Variants in CLEC4C observed in about 807,000 individuals in gnomAD.
The protein encoded by CLEC4C is C-type lectin domain family 4 member C, also known as C-type (calcium dependent, carbohydrate-recognition domain) lectin, superfamily member 11.
A neutral mutation model predicts 27.7 loss-of-function variants in CLEC4C; 17 were observed. The ratio of observed to expected loss-of-function variants is 0.61; its 90% CI spans 0.42 to 0.92. The LOEUF (loss-of-function observed/expected upper bound fraction) is 0.92. CLEC4C is among the 40% of genes least tolerant of loss of function. The pLI is 0.00. For missense variants in CLEC4C, 244 were observed against 257.3 expected (o/e 0.95, Z 0.35); for synonymous variants, 80 against 80.8 (o/e 0.99, Z 0.06).
intron 5 of CLEC4C, among the ~76,000 whole-genome samples, chr12:7,730,092 T>C (rs1864560135): frequency 2.0e-5 from 3 of 152,188 alleles, no homozygotes; most frequent in Admixed American, 2.0e-4. Flanking sequence ...AGTTAAATGA[T>C]TCAAATATTT....
intron 2 of CLEC4C, among the ~76,000 whole-genome samples, chr12:7,743,319 T>C (rs1479166701): frequency 6.6e-6 from 1 of 152,210 alleles, no homozygotes; most frequent in African/African-American, 2.4e-5. Context: ...AAACGGTCTC[T>C]TTTGTTCACT....
At chr12:7,745,791 T>A (rs1414941619) in intron 2 of CLEC4C, among the ~76,000 whole-genome samples, 1 of 152,046 alleles carries the variant, frequency 6.6e-6, no homozygotes, top group Non-Finnish European at 1.5e-5. Flanking sequence ...TGATCACATT[T>A]GAAAAATGCA....
At chr12:7,734,552 A>ATTT (rs34564177) in intron 4 of CLEC4C, among the ~76,000 whole-genome samples, 13 of 142,788 alleles carry the variant, frequency 9.1e-5, no homozygotes, top group Non-Finnish European at 1.1e-4. Context: ...GAGGCCTCCA[A>ATTT]TTTTTTTTTT....
In CLEC4C at chr12:7,746,408, C is replaced by T. The variant is rs776248778; in HGVS notation, c.47G>A (p.Trp16Ter). Residue 16 changes from tryptophan to a stop codon, truncating the protein, a stop_gained, in exon 2 of 6, where the codon TGG becomes TAG. Transcript: ENST00000360345. LOFTEE classifies it high-confidence loss of function. Reference protein sequence around the residue: ...EPQDREKGLWWFQLKVWSMAV... With the variant: ...EPQDREKGLW ...CATGGACCAGACCTTCAACTGGAAC[C>T]ACCAGAGTCCTTTCTCTGTCAGATC... is the stretch of plus-strand genomic sequence containing the variant. The T allele has an allele frequency of 1.8e-5, 29 of 1,612,274 alleles. No homozygotes were observed. The South Asian group carries it at 3.1e-4, about 17-fold the overall frequency.
intron 3 of CLEC4C, among the ~76,000 whole-genome samples, chr12:7,737,907 G>A (rs2120397885): frequency 6.6e-6 from 1 of 152,210 alleles, no homozygotes; most frequent in East Asian, 1.9e-4. Context: ...ACATGAGTAT[G>A]GCAATAAAAT....
At chr12:7,747,650 T>TTC (rs1865014538), upstream of CLEC4C, 1 of 317,414 alleles carries the variant, frequency 3.2e-6, no homozygotes, top group Non-Finnish European at 5.7e-6. Flanking sequence ...TTTTTTTTTT[T>TTC]TTTTTTTTCT....
intron 2 of CLEC4C, among the ~76,000 whole-genome samples, chr12:7,745,861 G>GTAA (rs369800781): frequency 1.5e-3 from 222 of 152,112 alleles, no homozygotes; most frequent in Middle Eastern, 6.8e-3. Flanking sequence ...ATTAATAATA[G>GTAA]TAATAACTCA....
intron 3 of CLEC4C, among the ~76,000 whole-genome samples, chr12:7,740,831 T>C (rs1270584795): frequency 6.6e-6 from 1 of 150,768 alleles, no homozygotes; most frequent in African/African-American, 2.4e-5. Context: ...TTTGATACTT[T>C]AATTTTGAGG....
chr12:7,733,155 A>T (rs1240514472), intron 4 of CLEC4C, among the ~76,000 whole-genome samples: 1 of 151,966 alleles, frequency 6.6e-6, no homozygotes, highest in Admixed American at 6.6e-5. Flanking sequence ...GTCAAACGTC[A>T]CACAACTAAT....
chr12:7,745,773 GAC>G, intron 2 of CLEC4C, among the ~76,000 whole-genome samples: 1 of 151,940 alleles, frequency 6.6e-6, no homozygotes, highest in East Asian at 1.9e-4. Flanking sequence ...AGCTGACCAA[GAC>G]AGTTATGATC....
At chr12:7,730,685 A>T in intron 5 of CLEC4C, 112 bp downstream of exon 5, 3 of 556,190 alleles carry the variant, frequency 5.4e-6, no homozygotes, top group Non-Finnish European at 9.9e-6. Context: ...AAATAGACCT[A>T]GGTTTTAAAA....
intron 4 of CLEC4C, among the ~76,000 whole-genome samples, chr12:7,732,354 T>A (rs962248924): frequency 9.3e-5 from 14 of 150,566 alleles, no homozygotes; most frequent in South Asian, 6.3e-4. Flanking sequence ...TTTTTTATTT[T>A]TTTTATTTAT....
At chr12:7,742,161 C>A (rs1175381009) in intron 2 of CLEC4C, among the ~76,000 whole-genome samples, 2 of 147,472 alleles carry the variant, frequency 1.4e-5, no homozygotes, top group African/African-American at 5.0e-5. Context: ...GCCTGGGTGA[C>A]AAGAGTGCAA....
chr12:7,729,403 T>TATGA lies in CLEC4C; in HGVS notation c.*189_*192dup, dbSNP rs1864535439. On this transcript the variant is annotated 3_prime_UTR_variant, in exon 6 of 6. Coordinates refer to ENST00000360345, the MANE Select transcript of CLEC4C (RefSeq NM_001371390.1). ...AAAAATGTTCACTAAACACTCATTTTATGAATGAATAAATGAATAAATGAA... is the reference window on the plus strand; with the variant it reads ...AAAAATGTTCACTAAACACTCATTTTATGAATGAATGAATAAATGAATAAATGAA... The TATGA allele has an allele frequency of 2.0e-6, 1 of 488,216 alleles. No individual in the cohort carries two copies. The highest frequency in any genetic ancestry group is 2.9e-5 in the African/African-American group (1 of 34,610). 30.2% of individuals were successfully genotyped at this position (488,216 alleles called of 1,614,324 possible).
At position 7,736,049 on chromosome 12, in the gene CLEC4C, C is replaced by T. The variant is rs183118048; in HGVS notation, c.381+1380G>A. 2.0e-3 allele frequency among the ~76,000 whole-genome samples: 297 copies of T among 152,078 alleles called. 2 individuals are homozygous for T. Among genetic ancestry groups the T allele is most frequent in the Non-Finnish European group, 1.9e-3 (127 of 67,980 alleles). ...CTGTAATCCCAGAACTTTGGGAGGCCGAGGTGGGTGGATCACGAGGTCAGG... is the reference window on the plus strand; with the variant it reads ...CTGTAATCCCAGAACTTTGGGAGGCTGAGGTGGGTGGATCACGAGGTCAGG... On this transcript the variant is annotated intron_variant, in intron 4 of 5. Transcript: ENST00000360345.
intron 5 of CLEC4C, 30 bp from the exon 6 acceptor site, chr12:7,729,770 T>C (rs1307981053): frequency 6.2e-7 from 1 of 1,610,590 alleles, no homozygotes; most frequent in Admixed American, 1.7e-5. Flanking sequence ...CAGTGGTGTT[T>C]TGAAACCGTG....
chr12:7,729,883 G>C (rs1429563072), intron 5 of CLEC4C, 143 bp from the exon 6 acceptor site: 2 of 707,130 alleles, frequency 2.8e-6, no homozygotes, highest in Non-Finnish European at 4.7e-6. Flanking sequence ...GCCACGTTTT[G>C]TAAAACCTCA....
In CLEC4C at chr12:7,744,074, G is replaced by C. The variant is rs117737996; in HGVS notation, c.124+2257C>G. 8.9e-3 allele frequency among the ~76,000 whole-genome samples: 1,352 copies of C among 152,196 alleles called. 90 individuals are homozygous for C. The East Asian group carries it at 0.16, about 18-fold the overall frequency. ...AGAACTCACTTATTCCTTCGAGGAG[G>C]GTGCCAAGCCATTCATGAGGGATCC... is the stretch of plus-strand genomic sequence containing the variant. On this transcript the variant is annotated intron_variant, in intron 2 of 5. Coordinates refer to ENST00000360345, the MANE Select transcript of CLEC4C (RefSeq NM_001371390.1).
chr12:7,736,313 AAAG>A (rs965310635), intron 4 of CLEC4C, among the ~76,000 whole-genome samples: 19 of 152,212 alleles, frequency 1.2e-4, no homozygotes, highest in South Asian at 4.1e-4. Context: ...TCAAAAACAA[AAAG>A]AAGATTAGTG....
Sources: allele counts gnomAD v4.1 joint callset (sites outside exome capture counted in the v4.1 genomes callset), GRCh38; gene constraint gnomAD v4.1.1; transcripts MANE v1.5; gene names NCBI Gene and HGNC (gene_info 2026-07-23, HGNC 2026-07-21).